Variants in PACRGL observed in about 807,000 individuals in gnomAD.
PACRGL encodes the protein parkin coregulated like.
In PACRGL, 38 loss-of-function variants were observed where a neutral mutation model predicts 34.5. The ratio of observed to expected loss-of-function variants is 1.10; its 90% CI spans 0.85 to 1.44. The LOEUF is 1.44. Ranked by LOEUF, PACRGL falls within the 40% of genes most tolerant of loss-of-function variation. PACRGL has a pLI of 0.00. For missense variants in PACRGL, 305 were observed against 281.4 expected (o/e 1.08, Z -0.60); for synonymous variants, 128 against 100.1 (o/e 1.28, Z -1.66).
the PACRGL span, among the ~76,000 whole-genome samples, chr4:20,760,579 T>A: frequency 6.6e-6 from 1 of 152,184 alleles, no homozygotes; most frequent in East Asian, 1.9e-4. Flanking sequence ...GAATTTGTGT[T>A]TACAGAGCTT....
At chr4:20,756,891 A>G (rs1754521161), downstream of PACRGL, among the ~76,000 whole-genome samples, 1 of 151,860 alleles carries the variant, frequency 6.6e-6, no homozygotes, top group African/African-American at 2.4e-5. Flanking sequence ...TGCTGGCCTC[A>G]TGGAGCTTGC....
rs1438730352 is a variant in PACRGL, at chr4:20,704,682, A to G, written c.75A>G (p.Ser25=). ...CAGGTAACTATGATCAAAGGACATC[A>G]TCAAGCACACAGTTAAAACACAGGA... ...RATGNYDQRT[S]SSTQLKHRNA... is the part of the protein sequence containing the mutation. Residue 25 remains serine (S), a synonymous_variant, in exon 3 of 9, where the codon TCA becomes TCG. Transcript: ENST00000503585. 1.9e-6 allele frequency: 3 copies of G among 1,614,166 alleles called. No individual in the cohort carries two copies. Among genetic ancestry groups the G allele is most frequent in the Non-Finnish European group, 2.5e-6 (3 of 1,180,008 alleles).
chr4:20,721,293 G>A (rs530235949), intron 7 of PACRGL, among the ~76,000 whole-genome samples: 1 of 152,000 alleles, frequency 6.6e-6, no homozygotes, highest in South Asian at 2.1e-4. Flanking sequence ...GCTCGCAAAA[G>A]TTTGATCGTC....
intron 7 of PACRGL, among the ~76,000 whole-genome samples, chr4:20,714,236 C>G (rs1294662095): frequency 1.3e-5 from 2 of 152,060 alleles, no homozygotes; most frequent in Non-Finnish European, 2.9e-5. Context: ...TGAATTGATC[C>G]CTCTACCATT....
Position 20,730,143 on chromosome 4 carries a change from A to C in PACRGL, c.*2802A>C. The C allele has an allele frequency of 1.3e-6, 2 of 1,598,304 alleles. No individual in the cohort carries two copies. Among genetic ancestry groups the C allele is most frequent in the Non-Finnish European group, 1.7e-6 (2 of 1,173,660 alleles). On this transcript the variant is annotated 3_prime_UTR_variant, in exon 9 of 9. Transcript: ENST00000503585. ...TATGTTTTCATCCTGTAAGGGAGAA[A>C]CACAGAGCGATTAAATTCAGCATAT...
At chr4:20,747,832 G>A (rs1578502450) in intron 8 of PACRGL, among the ~76,000 whole-genome samples, 1 of 152,094 alleles carries the variant, frequency 6.6e-6, no homozygotes, top group Non-Finnish European at 1.5e-5. Flanking sequence ...CTGGCTGGAT[G>A]ACATTGCAGA....
intron 1 of PACRGL, chr4:20,701,821 T>C: frequency 2.2e-6 from 1 of 456,518 alleles, no homozygotes; most frequent in Non-Finnish European, 4.4e-6. Context: ...GTATCCGTGG[T>C]TGGGTCAAAT....
chr4:20,764,064 C>G, the PACRGL span, among the ~76,000 whole-genome samples: 3 of 152,152 alleles, frequency 2.0e-5, no homozygotes, highest in Non-Finnish European at 4.4e-5. Context: ...AAATGCCTCA[C>G]TCATCCATCT....
rs1355954278 is a variant in PACRGL at position 20,724,817 on chromosome 4, A to T, written c.619A>T (p.Arg207Ter). Residue 207 changes from arginine to a stop codon, truncating the protein, a stop_gained, in exon 8 of 9, where the codon AGA (arginine) becomes TGA (stop). Transcript: ENST00000503585. LOFTEE classifies it high-confidence loss of function. ...AATCTTACTTTAAAAGCTTTCCAAG[A>T]GATTAATGGACAAGAAATTCAAAGA... ...LKHLLTSLSKRLMDKKFKEPI... is the reference protein window; with the variant it reads ...LKHLLTSLSK The T allele has an allele frequency of 6.7e-7, 1 of 1,484,504 alleles. No individual in the cohort carries two copies. Among genetic ancestry groups the T allele is most frequent in the African/African-American group, 1.4e-5 (1 of 70,350 alleles). The allele number at this position is 1,484,504 out of a possible 1,614,324, so 92.0% of individuals were successfully genotyped here.
upstream of PACRGL, among the ~76,000 whole-genome samples, chr4:20,697,236 T>C (rs1411063143): frequency 6.6e-6 from 1 of 152,214 alleles, no homozygotes; most frequent in East Asian, 1.9e-4. Flanking sequence ...TTGTATCACA[T>C]TTCTCAATGA....
intron 7 of PACRGL, among the ~76,000 whole-genome samples, chr4:20,722,384 G>C (rs1236631100): frequency 6.6e-6 from 1 of 152,196 alleles, no homozygotes; most frequent in Non-Finnish European, 1.5e-5. Flanking sequence ...ACCTCAGTTG[G>C]AAATGCAGAA....
intron 8 of PACRGL, among the ~76,000 whole-genome samples, chr4:20,744,372 A>G (rs531163140): frequency 9.8e-5 from 15 of 152,324 alleles, no homozygotes; most frequent in Non-Finnish European, 1.3e-4. Flanking sequence ...ATGTCCATCA[A>G]TGATAGACTG....
In PACRGL at chr4:20,720,406, T is replaced by C. The variant is rs551573067; in HGVS notation, c.610-4402T>C. Among the ~76,000 whole-genome samples the C allele has an allele frequency of 3.0e-4, 45 of 152,352 alleles. No homozygotes were observed. The South Asian group carries it at 6.2e-3, about 21-fold the overall frequency. The stretch of plus-strand genomic sequence containing the variant: ...GCTGATTATTTTGCTCATTAGTTGA[T>C]GCAGTTTCTTCCTAGCCTCGATGGT... On this transcript the variant is annotated intron_variant, in intron 7 of 8. Coordinates refer to ENST00000503585, the MANE Select transcript of PACRGL (RefSeq NM_001258345.3).
At position 20,707,933 on chromosome 4, in the gene PACRGL, ATATT is replaced by A. The variant is rs1735306948; in HGVS notation, c.275+66_275+69del. ...AAAATCATTGAGTAAAATGAATACA[ATATT>A]TAGTTTAAATGTATTGTAAGTTTTA... On this transcript the variant is annotated intron_variant, in intron 4 of 8. Transcript: ENST00000503585. 6.5e-6 allele frequency: 8 copies of A among 1,222,566 alleles called. No homozygotes were observed. The South Asian group carries it at 8.8e-5, about 13-fold the overall frequency. The allele number at this position is 1,222,566 out of a possible 1,614,324, so 75.7% of individuals were successfully genotyped here.
intron 6 of PACRGL, 153 bp downstream of exon 6, chr4:20,713,075 C>A: frequency 1.3e-6 from 1 of 798,056 alleles, no homozygotes; most frequent in Non-Finnish European, 1.8e-6. Flanking sequence ...AATTAGGCAA[C>A]TGTTACTCAG....
chr4:20,754,184 C>T (rs1754113321), downstream of PACRGL, among the ~76,000 whole-genome samples: 1 of 152,126 alleles, frequency 6.6e-6, no homozygotes, highest in African/African-American at 2.4e-5. Flanking sequence ...CCCCTGCCAA[C>T]AAGAGGCTTT....
At chr4:20,721,058 G>A (rs746703591) in intron 7 of PACRGL, among the ~76,000 whole-genome samples, 12 of 151,682 alleles carry the variant, frequency 7.9e-5, no homozygotes, top group Admixed American at 6.6e-4. Flanking sequence ...TTCACTTCTC[G>A]CTTCATTTCA....
rs1236084692 is a variant in PACRGL, at chr4:20,732,508, T to C, written c.*5167T>C. Reference sequence around the variant, plus strand: ...AGTGAATGTTCAATAAATGCAGTTATCAGCATTGTAAATTCAAAACCAAAG... The same window carrying C: ...AGTGAATGTTCAATAAATGCAGTTACCAGCATTGTAAATTCAAAACCAAAG... On this transcript the variant is annotated 3_prime_UTR_variant, in exon 9 of 9. Transcript: ENST00000503585. Among the ~76,000 whole-genome samples, 2 of 152,228 alleles carry C rather than the reference T, an allele frequency of 1.3e-5. No individual in the cohort carries two copies. The highest frequency in any genetic ancestry group is 2.1e-4 in the South Asian group (1 of 4,832).
At chr4:20,701,797 C>T (rs1560280291) in intron 1 of PACRGL, 1 of 455,300 alleles carries the variant, frequency 2.2e-6, no homozygotes, top group Non-Finnish European at 4.4e-6. Context: ...CCAAAGTCCT[C>T]CAGTCTGCTC....
Sources: allele counts gnomAD v4.1 joint callset (sites outside exome capture counted in the v4.1 genomes callset), GRCh38; gene constraint gnomAD v4.1.1; transcripts MANE v1.5; gene names NCBI Gene and HGNC (gene_info 2026-07-23, HGNC 2026-07-21).